NAV3: variants seen among roughly 807,000 people sequenced by gnomAD.
NAV3 encodes pore membrane and/or filament interacting like protein 1.
NAV3 carries 87 observed loss-of-function variants against 244.7 expected under a neutral mutation model. The ratio of observed to expected loss-of-function variants is 0.36; its 90% CI spans 0.30 to 0.42. The LOEUF (loss-of-function observed/expected upper bound fraction) is 0.42. Among genes scored for constraint, NAV3 ranks in the 20% least tolerant of loss-of-function variants. NAV3 has a pLI of 1.00. For missense variants in NAV3, 2,663 were observed against 2,893.3 expected, an observed-to-expected ratio of 0.92 and a Z score of 1.83; for synonymous variants, 1,126 against 1,042.2, an observed-to-expected ratio of 1.08 and a Z score of -1.55.
chr12:77,782,224 T>G (rs1345720583), intron 2 of NAV3, among the ~76,000 whole-genome samples: 1 of 151,958 alleles, frequency 6.6e-6, no homozygotes, highest in African/African-American at 2.4e-5. Context: ...ACATTGAGAT[T>G]CCTCATGAAA....
chr12:77,640,754 A>T (rs1230346514), intron 2 of NAV3, among the ~76,000 whole-genome samples: 2 of 152,168 alleles, frequency 1.3e-5, no homozygotes, highest in Non-Finnish European at 2.9e-5. Flanking sequence ...ACTTATTTAA[A>T]TGCCTCAACC....
chr12:77,974,876 A>T (rs1327035935), intron 5 of NAV3, among the ~76,000 whole-genome samples: 2 of 152,192 alleles, frequency 1.3e-5, no homozygotes, highest in Non-Finnish European at 2.9e-5. Context: ...AGACACTCAA[A>T]CCAGCTATTT....
intron 2 of NAV3, among the ~76,000 whole-genome samples, chr12:77,647,652 T>G (rs1872661202): frequency 6.6e-6 from 1 of 152,234 alleles, no homozygotes; most frequent in South Asian, 2.1e-4. Context: ...TCATATAAAA[T>G]AAAGTGATTT....
At chr12:78,146,909 G>A (rs530534083) in intron 21 of NAV3, among the ~76,000 whole-genome samples, 5 of 152,108 alleles carry the variant, frequency 3.3e-5, no homozygotes, top group Admixed American at 6.6e-5. Flanking sequence ...GGTTGCACTC[G>A]TGAGCAAATC....
intron 7 of NAV3, among the ~76,000 whole-genome samples, chr12:77,999,732 A>G (rs954650960): frequency 6.6e-6 from 1 of 152,204 alleles, no homozygotes; most frequent in African/African-American, 2.4e-5. Context: ...TAAGATCACA[A>G]GAAATATTAC....
At chr12:78,090,954 C>CTG (rs10581059) in intron 12 of NAV3, among the ~76,000 whole-genome samples, 14,125 of 142,444 alleles carry the variant, frequency 0.099, 663 homozygotes, top group Admixed American at 0.15. Context: ...GTGCTGTATT[C>CTG]TGTGTGTGTG....
intron 5 of NAV3, among the ~76,000 whole-genome samples, chr12:77,972,633 A>G (rs1893091686): frequency 1.3e-5 from 2 of 152,250 alleles, no homozygotes; most frequent in East Asian, 3.9e-4. Context: ...AAAAGGGGAA[A>G]TATGAGAAGT....
At chr12:78,079,518 T>C (rs1436076603) in intron 12 of NAV3, among the ~76,000 whole-genome samples, 1 of 152,208 alleles carries the variant, frequency 6.6e-6, no homozygotes, top group Non-Finnish European at 1.5e-5. Flanking sequence ...AAACCTACTT[T>C]AAAAGGACGA....
intron 12 of NAV3, among the ~76,000 whole-genome samples, chr12:78,088,371 T>C (rs1953744813): frequency 6.6e-6 from 1 of 152,100 alleles, no homozygotes; most frequent in South Asian, 2.1e-4. Context: ...ACTATTATTA[T>C]AGAATGTGTG....
chr12:77,704,503 A>G (rs1875702896), intron 2 of NAV3, among the ~76,000 whole-genome samples: 1 of 152,206 alleles, frequency 6.6e-6, no homozygotes, highest in Non-Finnish European at 1.5e-5. Flanking sequence ...TAGAAATCTT[A>G]TGACAATCCA....
intron 9 of NAV3, among the ~76,000 whole-genome samples, chr12:78,039,772 AT>A (rs899786326): frequency 5.6e-4 from 84 of 150,102 alleles, no homozygotes; most frequent in African/African-American, 1.4e-3. Context: ...TGATGCTGTT[AT>A]TTTTTTTTTC....
intron 2 of NAV3, among the ~76,000 whole-genome samples, chr12:77,789,666 C>T (rs571277685): frequency 1.8e-4 from 27 of 151,770 alleles, no homozygotes; most frequent in Admixed American, 1.1e-3. Context: ...AAAAAGCAGC[C>T]GGGTGTGGTG....
intron 2 of NAV3, among the ~76,000 whole-genome samples, chr12:77,799,149 A>C (rs1047832502): frequency 7.2e-5 from 11 of 152,202 alleles, no homozygotes; most frequent in Admixed American, 3.3e-4. Context: ...GGCACCATGA[A>C]GGTATCTTTG....
chr12:78,145,442 C>A (rs1956826951), intron 20 of NAV3, among the ~76,000 whole-genome samples: 1 of 152,068 alleles, frequency 6.6e-6, no homozygotes, highest in Non-Finnish European at 1.5e-5. Context: ...AGAACTATAC[C>A]AAAAGTAGAC....
chr12:78,075,064 A>G (rs962634060), intron 12 of NAV3, among the ~76,000 whole-genome samples: 1 of 152,182 alleles, frequency 6.6e-6, no homozygotes, highest in African/African-American at 2.4e-5. Context: ...GGATCCTGTA[A>G]TCCTGGCAAC....
chr12:78,015,379 T>C (rs1876017706), intron 8 of NAV3, among the ~76,000 whole-genome samples: 1 of 152,088 alleles, frequency 6.6e-6, no homozygotes, highest in Non-Finnish European at 1.5e-5. Context: ...GGAACAACTG[T>C]TTAGCCTTTC....
chr12:77,802,299 A>T (rs1242896025), intron 2 of NAV3, among the ~76,000 whole-genome samples: 1 of 152,228 alleles, frequency 6.6e-6, no homozygotes, highest in Admixed American at 6.5e-5. Context: ...AGGAACTGGC[A>T]AAAGAGACAC....
intron 2 of NAV3, among the ~76,000 whole-genome samples, chr12:77,672,718 C>T (rs1018926403): frequency 7.9e-5 from 12 of 151,902 alleles, no homozygotes; most frequent in African/African-American, 2.9e-4. Flanking sequence ...AATGACTATA[C>T]ATTGGGTATA....
chr12:77,651,695 T>C (rs1872830323), intron 2 of NAV3, among the ~76,000 whole-genome samples: 1 of 152,206 alleles, frequency 6.6e-6, no homozygotes, highest in South Asian at 2.1e-4. Flanking sequence ...TTTTTTAGTC[T>C]ACGTCAGTTG....
Sources: allele counts gnomAD v4.1 joint callset (sites outside exome capture counted in the v4.1 genomes callset), GRCh38; gene constraint gnomAD v4.1.1; transcripts MANE v1.5; gene names NCBI Gene and HGNC (gene_info 2026-07-23, HGNC 2026-07-21).